The following MSI2 variants were observed in gnomAD, a reference collection of about 807,000 sequenced individuals.
The protein encoded by MSI2 is musashi RNA binding protein 2, also known as RNA-binding protein Musashi homolog 2.
A neutral mutation model predicts 45.6 loss-of-function variants in MSI2; 17 were observed. The ratio of observed to expected loss-of-function variants is 0.37; its 90% CI spans 0.26 to 0.56. The LOEUF is 0.56. Among genes scored for constraint, MSI2 ranks in the 20% least tolerant of loss-of-function variants. The pLI is 0.77. For missense variants in MSI2, 293 were observed against 444.2 expected, an observed-to-expected ratio of 0.66 and a Z score of 3.06; for synonymous variants, 156 against 158.2, an observed-to-expected ratio of 0.99 and a Z score of 0.11.
chr17:57,615,925 G>A (rs199985655), intron 8 of MSI2, 45 bp from the exon 9 acceptor site: 1,607 of 1,429,612 alleles, frequency 1.1e-3, no homozygotes, highest in Non-Finnish European at 1.5e-3. Flanking sequence ...TGACATTTAC[G>A]TGGAATTCAT....
At chr17:57,566,528 C>T (rs1462665632) in intron 7 of MSI2, among the ~76,000 whole-genome samples, 2 of 152,056 alleles carry the variant, frequency 1.3e-5, no homozygotes, top group South Asian at 2.1e-4. Context: ...GTATTTCCTG[C>T]GTTTACCTGT....
intron 6 of MSI2, among the ~76,000 whole-genome samples, chr17:57,412,006 G>A (rs2084206503): frequency 6.6e-6 from 1 of 151,820 alleles, no homozygotes; most frequent in Non-Finnish European, 1.5e-5. Context: ...GACTCCGTCT[G>A]GGGGCGGGGC....
At chr17:57,283,395 C>T (rs907648396) in intron 5 of MSI2, among the ~76,000 whole-genome samples, 1 of 152,148 alleles carries the variant, frequency 6.6e-6, no homozygotes, top group Non-Finnish European at 1.5e-5. Flanking sequence ...GACTTTTTCT[C>T]CCCATTCCCC....
chr17:57,671,604 A>G (rs879583241), intron 11 of MSI2: 3 of 105,996 alleles, frequency 2.8e-5, no homozygotes, highest in Admixed American at 1.1e-4. Context: ...GCCTTCCCCC[A>G]CCCCCCAACC....
chr17:57,259,768 T>TC (rs1253070918), intron 4 of MSI2, among the ~76,000 whole-genome samples: 15 of 151,680 alleles, frequency 9.9e-5, no homozygotes, highest in Admixed American at 9.8e-4. Context: ...AAGAGGAAAA[T>TC]CTTTTCAAGG....
chr17:57,511,395 C>T (rs370837599), intron 6 of MSI2, among the ~76,000 whole-genome samples: 33 of 152,310 alleles, frequency 2.2e-4, no homozygotes, highest in African/African-American at 7.7e-4. Flanking sequence ...CCGCCACCCA[C>T]CCCACACTTA....
At chr17:57,567,623 C>A (rs544204891) in intron 7 of MSI2, among the ~76,000 whole-genome samples, 1 of 152,222 alleles carries the variant, frequency 6.6e-6, no homozygotes, top group African/African-American at 2.4e-5. Context: ...GTGGGCTGTG[C>A]GTGCCTCTTC....
chr17:57,346,562 T>C (rs1302617525), intron 5 of MSI2, among the ~76,000 whole-genome samples: 1 of 151,126 alleles, frequency 6.6e-6, no homozygotes, highest in Non-Finnish European at 1.5e-5. Context: ...AAATAATCTT[T>C]CTTTTTTTGT....
chr17:57,535,528 T>C (rs1375243144), intron 7 of MSI2, among the ~76,000 whole-genome samples: 1 of 152,220 alleles, frequency 6.6e-6, no homozygotes, highest in Admixed American at 6.5e-5. Flanking sequence ...ATTAGTGTGA[T>C]GGATGACTCT....
chr17:57,453,785 G>A (rs1010756547), intron 6 of MSI2, among the ~76,000 whole-genome samples: 14 of 152,132 alleles, frequency 9.2e-5, no homozygotes, highest in Non-Finnish European at 1.8e-4. Context: ...GGCATAAATG[G>A]GTTAATTCTC....
At chr17:57,631,885 GAC>G in intron 10 of MSI2, 1 of 1,604,642 alleles carries the variant, frequency 6.2e-7, no homozygotes, top group Non-Finnish European at 8.5e-7. Context: ...AGAGAGAGAG[GAC>G]ACAGTCCCGG....
chr17:57,259,131 TTTTA>T (rs1907083738), intron 4 of MSI2, among the ~76,000 whole-genome samples: 3 of 152,112 alleles, frequency 2.0e-5, no homozygotes, highest in African/African-American at 7.2e-5. Context: ...GTGTGCAGTG[TTTTA>T]TTTAGCCCCT....
At chr17:57,622,387 C>T (rs1165040221) in intron 9 of MSI2, among the ~76,000 whole-genome samples, 1 of 152,232 alleles carries the variant, frequency 6.6e-6, no homozygotes, top group East Asian at 1.9e-4. Flanking sequence ...TGAGCCTTCT[C>T]TGCCACATAA....
chr17:57,526,937 A>T (rs1041093558), intron 6 of MSI2, among the ~76,000 whole-genome samples: 1 of 152,114 alleles, frequency 6.6e-6, no homozygotes, highest in South Asian at 2.1e-4. Flanking sequence ...ACATATACAG[A>T]TCCTCCCCCA....
In MSI2 at chr17:57,422,340, G is replaced by C. The variant is rs574259728; in HGVS notation, c.405+20869G>C. Among the ~76,000 whole-genome samples the C allele has an allele frequency of 1.5e-3, 226 of 152,234 alleles. 1 individual carries two copies. Among genetic ancestry groups the C allele is most frequent in the Non-Finnish European group, 2.5e-3 (168 of 68,022 alleles). Reference sequence around the variant, plus strand: ...CCGAGCATGATGGCAGGTGCCCGTAGTCTCAGCTACTCAGGAGGCTGAGGC... The same window carrying C: ...CCGAGCATGATGGCAGGTGCCCGTACTCTCAGCTACTCAGGAGGCTGAGGC... On this transcript the variant is annotated intron_variant, in intron 6 of 13. Transcript: ENST00000284073.
At chr17:57,691,207 CTAT>C in the MSI2 span, among the ~76,000 whole-genome samples, 1 of 60,498 alleles carries the variant, frequency 1.7e-5, no homozygotes, top group Non-Finnish European at 3.4e-5. Flanking sequence ...TCTCATCTAT[CTAT>C]CTATCTATCT....
intron 10 of MSI2, chr17:57,628,116 A>C (rs1908981762): frequency 6.6e-6 from 1 of 152,334 alleles, no homozygotes; most frequent in African/African-American, 2.4e-5. Context: ...GGGGGTCTCC[A>C]TGTGCAAAGG....
chr17:57,506,202 C>T (rs2086224971), intron 6 of MSI2, among the ~76,000 whole-genome samples: 1 of 152,216 alleles, frequency 6.6e-6, no homozygotes, highest in Non-Finnish European at 1.5e-5. Context: ...CAATTAGCCA[C>T]GATCAGGGTT....
chr17:57,687,458 TA>T (rs1456178613), downstream of MSI2, among the ~76,000 whole-genome samples: 10 of 151,602 alleles, frequency 6.6e-5, no homozygotes, highest in Middle Eastern at 3.4e-3. Context: ...TGAAAGGAGT[TA>T]ACAGAGAAAA....
Sources: allele counts gnomAD v4.1 joint callset (sites outside exome capture counted in the v4.1 genomes callset), GRCh38; gene constraint gnomAD v4.1.1; transcripts MANE v1.5; gene names NCBI Gene and HGNC (gene_info 2026-07-23, HGNC 2026-07-21).